PGCKA1: variants seen among roughly 807,000 people sequenced by gnomAD.
PGCKA1 encodes PDCD10 and GCKIII kinases-associated protein 1.
chr4:37,539,508 T>A, the PGCKA1 span, among the ~76,000 whole-genome samples: 1 of 151,858 alleles, frequency 6.6e-6, no homozygotes, highest in African/African-American at 2.4e-5. Flanking sequence ...AATACAAAAA[T>A]TAGCCAGATG....
the PGCKA1 span, among the ~76,000 whole-genome samples, chr4:37,486,279 T>C: frequency 6.6e-6 from 1 of 152,170 alleles, no homozygotes; most frequent in Non-Finnish European, 1.5e-5. Context: ...ATGTGAGACT[T>C]TGTGGGTATC....
chr4:37,548,228 G>T, the PGCKA1 span, among the ~76,000 whole-genome samples: 1 of 152,030 alleles, frequency 6.6e-6, no homozygotes, highest in Non-Finnish European at 1.5e-5. Context: ...AAAGTAATAA[G>T]GCCTCCTGAG....
chr4:37,580,556 A>G, the PGCKA1 span, among the ~76,000 whole-genome samples: 1 of 152,286 alleles, frequency 6.6e-6, no homozygotes, highest in South Asian at 2.1e-4. Context: ...GGTCTTGGAT[A>G]AGATCTGAAA....
the PGCKA1 span, among the ~76,000 whole-genome samples, chr4:37,509,832 G>A: frequency 2.0e-5 from 3 of 151,610 alleles, no homozygotes; most frequent in Admixed American, 1.3e-4. Flanking sequence ...GCGTGGCGGC[G>A]CGCGCCTGCA....
the PGCKA1 span, chr4:37,590,491 G>C: frequency 6.2e-7 from 1 of 1,613,674 alleles, no homozygotes; most frequent in South Asian, 1.1e-5. Flanking sequence ...CAGGAAACAG[G>C]ACTGTGTGCT....
the PGCKA1 span, among the ~76,000 whole-genome samples, chr4:37,494,536 T>G: frequency 6.5e-3 from 990 of 152,302 alleles, 23 homozygotes; most frequent in East Asian, 0.074. Flanking sequence ...TGATGGGCAT[T>G]TAGGTTGATT....
At chr4:37,454,712 G>A in the PGCKA1 span, among the ~76,000 whole-genome samples, 1 of 152,338 alleles carries the variant, frequency 6.6e-6, no homozygotes, top group Non-Finnish European at 1.5e-5. Context: ...TACTTAGGTT[G>A]CATTGACCTT....
chr4:37,561,812 T>A, the PGCKA1 span, among the ~76,000 whole-genome samples: 1 of 152,232 alleles, frequency 6.6e-6, no homozygotes, highest in African/African-American at 2.4e-5. Context: ...ATATATAACT[T>A]GTTTTATGTG....
chr4:37,510,193 A>G, the PGCKA1 span, among the ~76,000 whole-genome samples: 6 of 151,168 alleles, frequency 4.0e-5, no homozygotes, highest in Non-Finnish European at 7.4e-5. Context: ...ACATATCTCT[A>G]TTTCTCCAGG....
the PGCKA1 span, among the ~76,000 whole-genome samples, chr4:37,556,531 A>T: frequency 6.6e-6 from 1 of 152,114 alleles, no homozygotes; most frequent in African/African-American, 2.4e-5. Context: ...AGCCCCGCTG[A>T]GTGCTGGGAT....
chr4:37,506,190 G>T, the PGCKA1 span, among the ~76,000 whole-genome samples: 1 of 151,892 alleles, frequency 6.6e-6, no homozygotes, highest in Admixed American at 6.6e-5. Flanking sequence ...TTCTTAGTCT[G>T]GCTAAAGGTT....
the PGCKA1 span, chr4:37,460,907 GC>G: frequency 2.5e-6 from 1 of 398,864 alleles, no homozygotes; most frequent in Admixed American, 3.5e-5. Flanking sequence ...TAAAATCTTT[GC>G]CCATGCCTAT....
the PGCKA1 span, among the ~76,000 whole-genome samples, chr4:37,537,134 C>T: frequency 3.0e-3 from 453 of 152,352 alleles, 3 homozygotes; most frequent in African/African-American, 0.011. Context: ...GTTCTTAAGG[C>T]TCATAAGATA....
At chr4:37,557,840 C>A in the PGCKA1 span, among the ~76,000 whole-genome samples, 1 of 152,162 alleles carries the variant, frequency 6.6e-6, no homozygotes. Flanking sequence ...GGGCTGCAAA[C>A]CCCAGCCTGA....
At chr4:37,548,023 G>GA in the PGCKA1 span, among the ~76,000 whole-genome samples, 1 of 100,398 alleles carries the variant, frequency 1.0e-5, no homozygotes, top group African/African-American at 2.9e-5. Flanking sequence ...GAAAAAAAAA[G>GA]GGGGGGAGGC....
At chr4:37,590,726 T>C in the PGCKA1 span, 6 of 1,613,998 alleles carry the variant, frequency 3.7e-6, no homozygotes, top group Non-Finnish European at 5.1e-6. Flanking sequence ...CAGCCCCCAG[T>C]GGGGGAGCAT....
chr4:37,559,853 G>A, the PGCKA1 span, among the ~76,000 whole-genome samples: 2 of 151,956 alleles, frequency 1.3e-5, no homozygotes, highest in East Asian at 1.9e-4. Flanking sequence ...AACCAGCCTG[G>A]TCCCCTCACT....
chr4:37,495,708 G>A, the PGCKA1 span, among the ~76,000 whole-genome samples: 1 of 152,118 alleles, frequency 6.6e-6, no homozygotes, highest in Non-Finnish European at 1.5e-5. Context: ...GGGCCTATCG[G>A]GGTTGGGGGC....
chr4:37,590,889 C>T, the PGCKA1 span: 2 of 1,614,222 alleles, frequency 1.2e-6, no homozygotes, highest in Non-Finnish European at 1.7e-6. Context: ...ATACCCATGG[C>T]TCCGATGGAG....
Sources: allele counts gnomAD v4.1 joint callset (sites outside exome capture counted in the v4.1 genomes callset), GRCh38; gene constraint gnomAD v4.1.1; transcripts MANE v1.5; gene names NCBI Gene and HGNC (gene_info 2026-07-23, HGNC 2026-07-21).